PARVB: variants seen among roughly 807,000 people sequenced by gnomAD.
PARVB encodes parvin beta.
Under a neutral mutation model 47.0 loss-of-function variants are expected in PARVB, and 46 were observed. The ratio of observed to expected loss-of-function variants is 0.98; its 90% CI spans 0.77 to 1.25. The LOEUF (loss-of-function observed/expected upper bound fraction) is 1.25. PARVB is among the 50% of genes most tolerant of loss of function. The probability of loss-of-function intolerance (pLI) is 0.00; values close to 1 mark genes in which losing one functional copy is unlikely to be tolerated. For synonymous variants in PARVB, 196 were observed against 196.3 expected, an observed-to-expected ratio of 1.00 and a Z score of 0.01; for missense variants, 473 against 471.6, an observed-to-expected ratio of 1.00 and a Z score of -0.03.
chr22:44,079,007 G>A (rs2051838947), intron 1 of PARVB, among the ~76,000 whole-genome samples: 1 of 152,190 alleles, frequency 6.6e-6, no homozygotes, highest in Admixed American at 6.5e-5. Flanking sequence ...GATAACAGGC[G>A]TGAGCCACCG....
Position 44,101,070 on chromosome 22 carries a change from G to T in PARVB, c.273+947G>T, listed in dbSNP as rs575135436. On this transcript the variant is annotated intron_variant, in intron 3 of 12. Coordinates refer to ENST00000338758, the MANE Select transcript of PARVB (RefSeq NM_013327.5). ...GCTGTACAACTGTGTTTTCATGAGG[G>T]CTCATTCAGAATAAGTAAGACGGCT... Among the ~76,000 whole-genome samples the T allele has an allele frequency of 3.3e-5, 5 of 152,322 alleles. No individual in the cohort carries two copies. The South Asian group carries it at 6.2e-4, about 19-fold the overall frequency.
Position 44,118,871 on chromosome 22 carries a change from A to C in PARVB, c.274-167A>C, listed in dbSNP as rs568237060. On this transcript the variant is annotated intron_variant, in intron 3 of 12. Transcript: ENST00000338758. ...TGCCCTGTCCTTGTGGTGGCTGCAGAGCTGTGCAGCCTGGCCCCAGAGCTG... is the reference window on the plus strand; with the variant it reads ...TGCCCTGTCCTTGTGGTGGCTGCAGCGCTGTGCAGCCTGGCCCCAGAGCTG... Among the ~76,000 whole-genome samples, 209 of 150,686 alleles carry C rather than the reference A, an allele frequency of 1.4e-3. 1 individual carries two copies. Among genetic ancestry groups the C allele is most frequent in the Non-Finnish European group, 3.3e-4 (22 of 67,688 alleles).
At chr22:44,017,235 TG>T (rs2050593214) in intron 2 of PARVB, among the ~76,000 whole-genome samples, 1 of 152,170 alleles carries the variant, frequency 6.6e-6, no homozygotes, top group Non-Finnish European at 1.5e-5. Flanking sequence ...TTTTTCATAG[TG>T]TTAAATAAGA....
At chr22:44,007,166 G>A (rs576086416) in intron 2 of PARVB, among the ~76,000 whole-genome samples, 2 of 152,178 alleles carry the variant, frequency 1.3e-5, no homozygotes, top group South Asian at 2.1e-4. Flanking sequence ...CTGCGTTTGC[G>A]GGTACAGCGG....
rs575355645 is a variant in PARVB at position 44,032,927 on chromosome 22, T to G, written c.112+8476T>G. Among the ~76,000 whole-genome samples, 220 of 152,332 alleles carry G rather than the reference T, an allele frequency of 1.4e-3. 1 individual carries two copies. Among genetic ancestry groups the G allele is most frequent in the Admixed American group, 2.9e-3 (44 of 15,300 alleles). The stretch of plus-strand genomic sequence containing the variant: ...GGAGCCTTTTCCAGCTCTAGTGCTG[T>G]GTCATTTCAGCAGCACTGGCTGCTT... On this transcript the variant is annotated intron_variant, in intron 1 of 12. Transcript: ENST00000338758.
intron 4 of PARVB, among the ~76,000 whole-genome samples, chr22:44,128,875 C>T (rs1452327917): frequency 2.0e-5 from 3 of 152,152 alleles, no homozygotes; most frequent in Non-Finnish European, 2.9e-5. Flanking sequence ...GTCAGGAATT[C>T]GAGACCAGCC....
At chr22:44,069,074 A>G (rs2051595302) in intron 1 of PARVB, 5 of 1,599,982 alleles carry the variant, frequency 3.1e-6, no homozygotes, top group East Asian at 2.2e-5. Flanking sequence ...CCACGTCCCT[A>G]TATGAACGGG....
chr22:44,100,752 A>G (rs116866154), intron 3 of PARVB, among the ~76,000 whole-genome samples: 70 of 152,216 alleles, frequency 4.6e-4, no homozygotes, highest in Middle Eastern at 6.8e-3. Flanking sequence ...TGTGGGTCCA[A>G]GGACAGATTG....
chr22:44,145,554 G>C (rs2053646130), intron 8 of PARVB: 1 of 152,328 alleles, frequency 6.6e-6, no homozygotes, highest in Non-Finnish European at 1.5e-5. Context: ...AGTCTTCTGA[G>C]CATGCTCTGC....
chr22:44,164,297 C>T lies in PARVB; in HGVS notation c.1018+367C>T, dbSNP rs529693568. Among the ~76,000 whole-genome samples the T allele has an allele frequency of 2.0e-3, 304 of 152,276 alleles. 1 individual carries two copies. Among genetic ancestry groups the T allele is most frequent in the African/African-American group, 7.2e-3 (300 of 41,562 alleles). ...TGTAATGACTGTTGGGCTGGAGGTCCCCTGATGCTCAGCCAAAGGCAGTAC... is the reference window on the plus strand; with the variant it reads ...TGTAATGACTGTTGGGCTGGAGGTCTCCTGATGCTCAGCCAAAGGCAGTAC... On this transcript the variant is annotated intron_variant, in intron 12 of 12. Transcript: ENST00000338758.
At chr22:44,044,160 C>T (rs1486205581) in intron 1 of PARVB, among the ~76,000 whole-genome samples, 2 of 151,954 alleles carry the variant, frequency 1.3e-5, no homozygotes, top group Non-Finnish European at 2.9e-5. Context: ...TGGTCAAAAA[C>T]CTCTGAACTG....
intron 2 of PARVB, among the ~76,000 whole-genome samples, chr22:43,999,841 A>AC (rs1569041427): frequency 2.5e-4 from 34 of 136,434 alleles, no homozygotes; most frequent in East Asian, 6.7e-4. Flanking sequence ...TATGAAAAAA[A>AC]AAAAAAAAAA....
At chr22:44,064,503 G>T (rs2051481793) in intron 1 of PARVB, among the ~76,000 whole-genome samples, 1 of 152,170 alleles carries the variant, frequency 6.6e-6, no homozygotes, top group Admixed American at 6.5e-5. Flanking sequence ...TGAAGAAGGG[G>T]CAGTTCTCAC....
chr22:44,002,339 C>G (rs1004446652), intron 2 of PARVB, among the ~76,000 whole-genome samples: 6 of 152,150 alleles, frequency 3.9e-5, no homozygotes, highest in African/African-American at 1.2e-4. Flanking sequence ...GTGAGAATGC[C>G]CATAAGGGCT....
At chr22:44,005,315 A>G (rs1286324956) in intron 2 of PARVB, among the ~76,000 whole-genome samples, 1 of 141,338 alleles carries the variant, frequency 7.1e-6, no homozygotes. Flanking sequence ...GTGTTGCTAT[A>G]TTGCCTAGGC....
In PARVB at chr22:44,113,521, A is replaced by G. The variant is rs2052768053; in HGVS notation, c.274-5517A>G. ...ACTAAGTAAGGCCCTGTACCAACACAGATACATTGTTACTAACTAAGGCCC... is the reference window on the plus strand; with the variant it reads ...ACTAAGTAAGGCCCTGTACCAACACGGATACATTGTTACTAACTAAGGCCC... On this transcript the variant is annotated intron_variant, in intron 3 of 12. Transcript: ENST00000338758. The G allele has an allele frequency of 3.2e-5, 2 of 62,748 alleles. 1 individual carries two copies. The highest frequency in any genetic ancestry group is 1.8e-4 in the African/African-American group (2 of 10,992). 3.9% of individuals were successfully genotyped at this position (62,748 alleles called of 1,614,324 possible).
chr22:44,066,807 C>CCTCCTCCTCCTCCTT (rs1555898494), intron 1 of PARVB, among the ~76,000 whole-genome samples: 26 of 145,904 alleles, frequency 1.8e-4, no homozygotes, highest in South Asian at 4.5e-4. Flanking sequence ...TCCTCCTCCT[C>CCTCCTCCTCCTCCTT]CTCCTCCTCC....
chr22:44,137,774 T>G (rs552265068), intron 7 of PARVB, among the ~76,000 whole-genome samples: 2 of 152,116 alleles, frequency 1.3e-5, no homozygotes, highest in Non-Finnish European at 2.9e-5. Context: ...GCTCTCAGGG[T>G]CCTGAGAGAG....
rs906064474 is a variant in PARVB at position 44,168,873 on chromosome 22, A to C, written c.*195A>C. 1 of 531,838 alleles carries C rather than the reference A, an allele frequency of 1.9e-6. No individual in the cohort carries two copies. The highest frequency in any genetic ancestry group is 3.3e-6 in the Non-Finnish European group (1 of 306,156). 32.9% of individuals were successfully genotyped at this position (531,838 alleles called of 1,614,324 possible). A position where few individuals can be genotyped will look rare whatever the true frequency, so the allele number is the denominator to read the frequency against. ...GGTTGTTGTTCTTAATCTCCTCTCCATGTAGTTCCCAGTGGGCAAGAGCCT... is the reference window on the plus strand; with the variant it reads ...GGTTGTTGTTCTTAATCTCCTCTCCCTGTAGTTCCCAGTGGGCAAGAGCCT... On this transcript the variant is annotated 3_prime_UTR_variant, in exon 13 of 13. Transcript: ENST00000338758.
Sources: allele counts gnomAD v4.1 joint callset (sites outside exome capture counted in the v4.1 genomes callset), GRCh38; gene constraint gnomAD v4.1.1; transcripts MANE v1.5; gene names NCBI Gene and HGNC (gene_info 2026-07-23, HGNC 2026-07-21).